The following GDAP1 variants were observed in gnomAD, a reference collection of about 807,000 sequenced individuals.
GDAP1 encodes ganglioside induced differentiation associated protein 1, also known as ganglioside-induced differentiation-associated protein 1.
Under a neutral mutation model 40.1 loss-of-function variants are expected in GDAP1, and 34 were observed. The ratio of observed to expected loss-of-function variants is 0.85; its 90% CI spans 0.64 to 1.13. The LOEUF (loss-of-function observed/expected upper bound fraction) is 1.13, where lower values mean the gene tolerates loss of function less well. Among genes scored for constraint, GDAP1 ranks in the 50% most tolerant of loss-of-function variants. GDAP1 has a pLI of 0.00. For synonymous variants in GDAP1, 170 were observed against 157.4 expected, an observed-to-expected ratio of 1.08 and a Z score of -0.60; for missense variants, 374 against 433.7, an observed-to-expected ratio of 0.86 and a Z score of 1.22.
At chr8:74,448,908 A>G (rs1806264680) in intron 2 of GDAP1, among the ~76,000 whole-genome samples, 1 of 152,056 alleles carries the variant, frequency 6.6e-6, no homozygotes, top group African/African-American at 2.4e-5. Flanking sequence ...TATGAAGTCC[A>G]AATTAGCAAT....
At chr8:74,363,918 T>C in intron 5 of GDAP1, 67 bp from the exon 6 acceptor site, 1 of 1,384,296 alleles carries the variant, frequency 7.2e-7, no homozygotes, top group Admixed American at 1.7e-5. Flanking sequence ...GTGAGACCAC[T>C]GATACCAGCT....
At chr8:74,397,800 G>A (rs1238575838) in intron 2 of GDAP1, among the ~76,000 whole-genome samples, 1 of 152,078 alleles carries the variant, frequency 6.6e-6, no homozygotes, top group Non-Finnish European at 1.5e-5. Context: ...GATGCCTCCA[G>A]CTTTGTTCTT....
At chr8:74,477,622 T>A (rs143637885) in intron 2 of GDAP1, among the ~76,000 whole-genome samples, 2 of 152,220 alleles carry the variant, frequency 1.3e-5, no homozygotes, top group East Asian at 3.9e-4. Flanking sequence ...CAAGACTGGC[T>A]TTGTTCTCTG....
At chr8:74,368,422 G>C (rs2131529452), downstream of GDAP1, among the ~76,000 whole-genome samples, 1 of 152,276 alleles carries the variant, frequency 6.6e-6, no homozygotes, top group South Asian at 2.1e-4. Context: ...TAAGTTCAGT[G>C]CTCAAAAGAA....
At position 74,363,056 on chromosome 8, in the gene GDAP1, A is replaced by C. The variant is rs1471986143; in HGVS notation, c.694+3A>C. 1.6e-6 allele frequency: 2 copies of C among 1,277,848 alleles called. No homozygotes were observed. The highest frequency in any genetic ancestry group is 2.9e-5 in the African/African-American group (2 of 68,570). 79.2% of individuals were successfully genotyped at this position (1,277,848 alleles called of 1,614,324 possible). The stretch of plus-strand genomic sequence containing the variant: ...AAGAAGAAATGAAGAAACCCCAGGT[A>C]GGTTCTCATTTATATTCTTTCTCTC... On this transcript the variant is annotated splice_donor_region_variant and intron_variant, in intron 5 of 5. Coordinates refer to ENST00000220822, the MANE Select transcript of GDAP1 (RefSeq NM_018972.4).
chr8:74,411,524 A>AAT (rs57240234), intron 2 of GDAP1, among the ~76,000 whole-genome samples: 5,737 of 143,164 alleles, frequency 0.04, 294 homozygotes, highest in Middle Eastern at 0.09. Flanking sequence ...TTATTAAGCA[A>AAT]ATATATATAT....
intron 2 of GDAP1, among the ~76,000 whole-genome samples, chr8:74,437,688 C>T (rs971509479): frequency 1.4e-5 from 2 of 147,760 alleles, no homozygotes; most frequent in Admixed American, 1.3e-4. Flanking sequence ...TAGTATAAGT[C>T]AACATTATAT....
At chr8:74,368,237 C>A (rs1282071015), downstream of GDAP1, among the ~76,000 whole-genome samples, 5 of 152,084 alleles carry the variant, frequency 3.3e-5, no homozygotes, top group Non-Finnish European at 5.9e-5. Flanking sequence ...TAATTTTTAA[C>A]AAAGTAAAAT....
In GDAP1 at chr8:74,364,694, C is replaced by T. The variant is rs939300895; in HGVS notation, c.*327C>T. On this transcript the variant is annotated 3_prime_UTR_variant, in exon 6 of 6. Coordinates refer to ENST00000220822, the MANE Select transcript of GDAP1 (RefSeq NM_018972.4). Reference sequence around the variant, plus strand: ...ATGGCTGCCTGTCTCATTGGTAAACCTCACATTTAGTTACTTGTGGCTACT... The same window carrying T: ...ATGGCTGCCTGTCTCATTGGTAAACTTCACATTTAGTTACTTGTGGCTACT... 2 of 487,626 alleles carry T rather than the reference C, an allele frequency of 4.1e-6. No homozygotes were observed. Among genetic ancestry groups the T allele is most frequent in the African/African-American group, 3.9e-5 (2 of 51,504 alleles). The allele number at this position is 487,626 out of a possible 1,614,324, so 30.2% of individuals were successfully genotyped here. A position where few individuals can be genotyped will look rare whatever the true frequency, so the allele number is the denominator to read the frequency against.
intron 1 of GDAP1, 87 bp from the exon 2 acceptor site, chr8:74,351,187 G>T: frequency 9.6e-7 from 1 of 1,036,790 alleles, no homozygotes; most frequent in Non-Finnish European, 1.5e-6. Context: ...ACACAGGGAA[G>T]CCCAGAAAGG....
chr8:74,363,296 C>T (rs1159130461), intron 5 of GDAP1, among the ~76,000 whole-genome samples: 1 of 152,126 alleles, frequency 6.6e-6, no homozygotes, highest in African/African-American at 2.4e-5. Context: ...GAGATTTTTA[C>T]CTGTTTTACA....
At chr8:74,378,447 C>T (rs188297268) in intron 2 of GDAP1, among the ~76,000 whole-genome samples, 173 of 152,304 alleles carry the variant, frequency 1.1e-3, no homozygotes, top group South Asian at 2.1e-3. Context: ...TTGGGAAACA[C>T]TCTAAAGTGG....
chr8:74,409,456 A>T (rs1340134308), intron 2 of GDAP1, among the ~76,000 whole-genome samples: 1 of 149,554 alleles, frequency 6.7e-6, no homozygotes, highest in African/African-American at 2.6e-5. Flanking sequence ...GGCTCAAGCG[A>T]TTCTCCTGCC....
rs894746928 is a variant in GDAP1 at position 74,454,916 on chromosome 8, G to A, written c.166-33762G>A. On this transcript the variant is annotated intron_variant, in intron 2 of 2. Coordinates refer to the GDAP1 transcript ENST00000523640. The stretch of plus-strand genomic sequence containing the variant: ...ACATTCATCTTCTTTAGATAGTATG[G>A]TTGCAGTGTTTTGTTCTTAAGATTC... Among the ~76,000 whole-genome samples the A allele has an allele frequency of 2.1e-4, 32 of 151,948 alleles. 1 individual carries two copies. The highest frequency in any genetic ancestry group is 5.9e-4 in the Admixed American group (9 of 15,234).
intron 2 of GDAP1, among the ~76,000 whole-genome samples, chr8:74,394,557 C>T (rs1226373574): frequency 6.6e-6 from 1 of 152,116 alleles, no homozygotes; most frequent in Non-Finnish European, 1.5e-5. Context: ...TCCTCTTCTT[C>T]CTAGCTTTAA....
intron 2 of GDAP1, among the ~76,000 whole-genome samples, chr8:74,450,088 G>T (rs4322000): frequency 1 from 150,358 of 150,472 alleles, 75,122 homozygotes; most frequent in Middle Eastern, 1. Flanking sequence ...ATTTCCTTTG[G>T]TTTTTTTTTC....
intron 2 of GDAP1, among the ~76,000 whole-genome samples, chr8:74,466,800 C>A (rs1437311344): frequency 1.3e-5 from 2 of 152,186 alleles, no homozygotes; most frequent in East Asian, 1.9e-4. Context: ...TGTGAATCAT[C>A]ACTATGTATT....
chr8:74,455,131 A>T (rs1806319828), intron 2 of GDAP1, among the ~76,000 whole-genome samples: 1 of 152,014 alleles, frequency 6.6e-6, no homozygotes, highest in African/African-American at 2.4e-5. Context: ...TGAGATGAAG[A>T]TCTTCATTTG....
At chr8:74,383,587 A>G (rs887769404) in intron 2 of GDAP1, among the ~76,000 whole-genome samples, 2 of 152,198 alleles carry the variant, frequency 1.3e-5, no homozygotes, top group Non-Finnish European at 2.9e-5. Context: ...ATCCAACACT[A>G]TATATAAGCC....
Sources: allele counts gnomAD v4.1 joint callset (sites outside exome capture counted in the v4.1 genomes callset), GRCh38; gene constraint gnomAD v4.1.1; transcripts MANE v1.5; gene names NCBI Gene and HGNC (gene_info 2026-07-23, HGNC 2026-07-21).